Variants in UMODL1 observed in about 807,000 individuals in gnomAD.
UMODL1 encodes the protein uromodulin like 1.
UMODL1 carries 128 observed loss-of-function variants against 136.3 expected under a neutral mutation model. The ratio of observed to expected loss-of-function variants is 0.94; its 90% CI spans 0.81 to 1.09. The LOEUF (loss-of-function observed/expected upper bound fraction) is 1.09. UMODL1 is among the 50% of genes least tolerant of loss of function. The pLI is 0.00. For synonymous variants in UMODL1, 721 were observed against 720.0 expected, an observed-to-expected ratio of 1.00 and a Z score of -0.02; for missense variants, 1,766 against 1,725.6, an observed-to-expected ratio of 1.02 and a Z score of -0.41.
At chr21:42,098,601 T>C in intron 6 of UMODL1, among the ~76,000 whole-genome samples, 1 of 145,296 alleles carries the variant, frequency 6.9e-6, no homozygotes, top group East Asian at 2.1e-4. Flanking sequence ...ACCCCGTCTC[T>C]ACTAAAAATG....
rs773281412 is a variant in UMODL1, at chr21:42,115,985, G to A, written c.2475G>A (p.Met825Ile). Residue 825 changes from methionine (M) to isoleucine (I), a missense_variant and splice_region_variant, in exon 14 of 23, where the codon ATG becomes ATA. Physicochemically the swap from Met to Ile is conservative, Grantham distance 10 (BLOSUM62 1). Coordinates refer to ENST00000408910, the MANE Select transcript of UMODL1 (RefSeq NM_001004416.3). ...ATTTCCTAGAACTATTCTTCAGGAT[G>A]GTGAGTTGGTGATATCAGCCCTTAA... The part of the protein sequence containing the change: ...YRDFLELFFR[M>I]VRGSLPATMC... The A allele has an allele frequency of 7.5e-6, 12 of 1,608,570 alleles. No homozygotes were observed. The highest frequency in any genetic ancestry group is 1.0e-5 in the Non-Finnish European group (12 of 1,175,528).
At chr21:42,079,704 G>A (rs1402654356) in intron 2 of UMODL1, among the ~76,000 whole-genome samples, 1 of 152,246 alleles carries the variant, frequency 6.6e-6, no homozygotes, top group Non-Finnish European at 1.5e-5. Context: ...AAAGGAATGA[G>A]TATCCCTGGC....
Position 42,123,210 on chromosome 21 carries a change from A to T in UMODL1, c.3147+60A>T. The T allele has an allele frequency of 6.5e-7, 1 of 1,527,334 alleles. No individual in the cohort carries two copies. Among genetic ancestry groups the T allele is most frequent in the Non-Finnish European group, 8.8e-7 (1 of 1,131,930 alleles). 94.6% of individuals were successfully genotyped at this position (1,527,334 alleles called of 1,614,324 possible). A position where few individuals can be genotyped will look rare whatever the true frequency, so the allele number is the denominator to read the frequency against. ...TAGGGCGCAAGGGGCTCTAGGTTACATGGGCCTCGATGTGGGAGGGCCAGG... is the reference window on the plus strand; with the variant it reads ...TAGGGCGCAAGGGGCTCTAGGTTACTTGGGCCTCGATGTGGGAGGGCCAGG... On this transcript the variant is annotated intron_variant, in intron 17 of 22. Transcript: ENST00000408910. This position sits in a 1 kb window ranked among gnomAD's most constrained non-coding sequence, Gnocchi z 4.4.
intron 15 of UMODL1, among the ~76,000 whole-genome samples, chr21:42,119,636 T>C (rs908828297): frequency 6.6e-6 from 1 of 152,128 alleles, no homozygotes; most frequent in Non-Finnish European, 1.5e-5. Flanking sequence ...CATCCCTCTC[T>C]GCAGCCAGAC....
In UMODL1 at chr21:42,119,183, G is replaced by C; in HGVS notation, c.2548G>C (p.Val850Leu). The C allele has an allele frequency of 6.2e-7, 1 of 1,614,068 alleles. No homozygotes were observed. The highest frequency in any genetic ancestry group is 8.5e-7 in the Non-Finnish European group (1 of 1,180,000). Residue 850 changes from valine (V) to leucine (L), a missense_variant, in exon 15 of 23, where the codon GTC (valine) becomes CTC (leucine). Physicochemically the swap from Val to Leu is conservative, Grantham distance 32 (BLOSUM62 1). Transcript: ENST00000408910. ...TGGGGTCAGGATGGAAGTCGTCAGC[G>C]TCACCAACGGCAGCATCGTGGTGGA... ...AGGVRMEVVS[V>L]TNGSIVVEFH...
rs777867186 is a variant in UMODL1 at position 42,122,400 on chromosome 21, C to G, written c.2828-431C>G. ...TCATTACCCCATCTTAGAGAATAGACTCAGGGCTCTCAGGGCAGAAGACTC... is the reference window on the plus strand; with the variant it reads ...TCATTACCCCATCTTAGAGAATAGAGTCAGGGCTCTCAGGGCAGAAGACTC... On this transcript the variant is annotated intron_variant, in intron 16 of 22. Coordinates refer to ENST00000408910, the MANE Select transcript of UMODL1 (RefSeq NM_001004416.3). The surrounding 1 kb of genome is among the most constrained non-coding windows in gnomAD (Gnocchi z 4.3). 1.8e-4 allele frequency among the ~76,000 whole-genome samples: 27 copies of G among 152,178 alleles called. No individual in the cohort carries two copies. Among genetic ancestry groups the G allele is most frequent in the Non-Finnish European group, 2.9e-4 (20 of 68,020 alleles).
At chr21:42,134,661 C>T (rs926275530) in intron 21 of UMODL1, among the ~76,000 whole-genome samples, 1 of 152,158 alleles carries the variant, frequency 6.6e-6, no homozygotes, top group Non-Finnish European at 1.5e-5. Flanking sequence ...GTTGCCCAGG[C>T]TGGAGTGCAG....
At chr21:42,125,987 A>G (rs779772224) in intron 17 of UMODL1, among the ~76,000 whole-genome samples, 9 of 152,192 alleles carry the variant, frequency 5.9e-5, no homozygotes, top group Non-Finnish European at 1.2e-4. Context: ...GGGCATGTTG[A>G]AAGAAAAGGG....
intron 2 of UMODL1, among the ~76,000 whole-genome samples, chr21:42,077,002 G>GGT (rs56409028): frequency 0.018 from 2,086 of 113,090 alleles, 31 homozygotes; most frequent in East Asian, 0.04. Context: ...CCAGGGGAGG[G>GGT]GTGTGTGTGT....
intron 15 of UMODL1, 78 bp from the exon 16 acceptor site, chr21:42,121,009 C>G (rs951849085): frequency 5.2e-6 from 8 of 1,527,452 alleles, no homozygotes; most frequent in African/African-American, 4.2e-5. Context: ...GTGAGATGCA[C>G]TCTCCCCCAA....
At chr21:42,074,048 G>A (rs1040034720) in intron 1 of UMODL1, among the ~76,000 whole-genome samples, 2 of 152,186 alleles carry the variant, frequency 1.3e-5, no homozygotes, top group African/African-American at 2.4e-5. Context: ...CACTGGCTAG[G>A]GCTGCTGTAA....
At chr21:42,117,901 T>C (rs1241778341) in intron 14 of UMODL1, among the ~76,000 whole-genome samples, 3 of 152,250 alleles carry the variant, frequency 2.0e-5, no homozygotes, top group Non-Finnish European at 4.4e-5. Flanking sequence ...TCTTTCCTCT[T>C]TGAACCATTT....
In UMODL1 at chr21:42,117,896, C is replaced by T. The variant is rs368478454; in HGVS notation, c.2476-1215C>T. Among the ~76,000 whole-genome samples the T allele has an allele frequency of 3.3e-5, 5 of 152,208 alleles. No homozygotes were observed. The East Asian group carries it at 5.8e-4, about 18-fold the overall frequency. ...TTCCCGAGTTTCTTGATTAATCTTTCCTCTTTGAACCATTTCTTCCTTTGC... is the reference window on the plus strand; with the variant it reads ...TTCCCGAGTTTCTTGATTAATCTTTTCTCTTTGAACCATTTCTTCCTTTGC... On this transcript the variant is annotated intron_variant, in intron 14 of 22. Coordinates refer to ENST00000408910, the MANE Select transcript of UMODL1 (RefSeq NM_001004416.3).
rs557238978 is a variant in UMODL1, at chr21:42,110,209, C to T, written c.1657+510C>T. 3.9e-5 allele frequency among the ~76,000 whole-genome samples: 6 copies of T among 152,272 alleles called. No individual in the cohort carries two copies. The South Asian group carries it at 6.2e-4, about 16-fold the overall frequency. ...TGTGGACCAGTTCTGATGAGTGGGT[C>T]GGGGATACCTGGGATGCTGAATTGA... On this transcript the variant is annotated intron_variant, in intron 10 of 22. Transcript: ENST00000408910.
At chr21:42,120,733 G>T in intron 15 of UMODL1, 1 of 199,942 alleles carries the variant, frequency 5.0e-6, no homozygotes, top group Non-Finnish European at 1.0e-5. Flanking sequence ...CTTCTGCCCA[G>T]GGTTGGGCTT....
rs1240558156 is a variant in UMODL1, at chr21:42,122,911, C to A, written c.2908C>A (p.Gln970Lys). The A allele has an allele frequency of 6.2e-7, 1 of 1,613,812 alleles. No individual in the cohort carries two copies. Residue 970 changes from glutamine (Q) to lysine (K), a missense_variant, in exon 17 of 23, where the codon CAA (glutamine) becomes AAA (lysine). Transcript: ENST00000408910. This position sits in a 1 kb window ranked among gnomAD's most constrained non-coding sequence, Gnocchi z 4.3. Reference protein sequence around the residue: ...TTAGTKAAFVQGTSPTPQGLP... With the variant: ...TTAGTKAAFVKGTSPTPQGLP... ...AGCAGGGACCAAGGCTGCCTTTGTG[C>A]AAGGCACCAGCCCCACCCCCCAAGG...
At chr21:42,114,149 T>A (rs1023700686) in intron 13 of UMODL1, among the ~76,000 whole-genome samples, 2 of 152,212 alleles carry the variant, frequency 1.3e-5, no homozygotes, top group African/African-American at 4.8e-5. Flanking sequence ...GCGGTGCTCA[T>A]CTGTTGAGCT....
chr21:42,064,276 C>A (rs1410167895), intron 1 of UMODL1, among the ~76,000 whole-genome samples: 1 of 152,166 alleles, frequency 6.6e-6, no homozygotes, highest in East Asian at 1.9e-4. Context: ...CAGCTGAAGC[C>A]CTGAAAAGAG....
intron 22 of UMODL1, among the ~76,000 whole-genome samples, chr21:42,138,226 G>C (rs2067234800): frequency 6.6e-6 from 1 of 152,164 alleles, no homozygotes; most frequent in Non-Finnish European, 1.5e-5. Context: ...ATTTAAATGG[G>C]AAGATGCCCA....
Sources: gnomAD v4.1 joint callset for allele counts (sites outside exome capture counted in the v4.1 genomes callset) on GRCh38, gnomAD v4.1.1 for gene constraint, Gnocchi (gnomAD v3.1) non-coding constraint, MANE v1.5 for transcripts, NCBI Gene and HGNC (gene_info 2026-07-23, HGNC 2026-07-21) for gene names.